The following MORC2 variants were observed in gnomAD, a reference collection of about 807,000 sequenced individuals.
MORC2 encodes the protein ATPase MORC2.
A neutral mutation model predicts 136.0 loss-of-function variants in MORC2; 30 were observed. The observed-to-expected ratio is 0.22, with a 90% CI of 0.17 to 0.30. MORC2 has a LOEUF of 0.30. Among genes scored for constraint, MORC2 ranks in the 10% least tolerant of loss-of-function variants. The pLI is 1.00. For synonymous variants in MORC2, 439 were observed against 487.0 expected (o/e 0.90, Z 1.30); for missense variants, 922 against 1,333.1 (o/e 0.69, Z 4.80).
At position 30,968,161 on chromosome 22, in the gene MORC2, C is replaced by T; in HGVS notation, c.-272G>A. On this transcript the variant is annotated 5_prime_UTR_variant, in exon 1 of 26. It removes an upstream start codon present in the reference 5' UTR. Coordinates refer to ENST00000397641, the MANE Select transcript of MORC2 (RefSeq NM_001303256.3). ...ATCTGTAGCTTTAAGGAGCTTTTAG[C>T]ATTAAGTTGCGATAGCTCAATTCAG... The T allele has an allele frequency of 5.1e-6, 2 of 389,874 alleles. No individual in the cohort carries two copies. Among genetic ancestry groups the T allele is most frequent in the South Asian group, 5.7e-5 (2 of 35,062 alleles). 24.2% of individuals were successfully genotyped at this position (389,874 alleles called of 1,614,324 possible). A position where few individuals can be genotyped will look rare whatever the true frequency, so the allele number is the denominator to read the frequency against.
chr22:30,962,618 G>T (rs1450779970), intron 1 of MORC2, among the ~76,000 whole-genome samples: 1 of 151,338 alleles, frequency 6.6e-6, no homozygotes, highest in African/African-American at 2.4e-5. Context: ...AAAACTAATG[G>T]TCTTTGTTGT....
In MORC2 at chr22:30,939,673, T is replaced by C. The variant is rs747708903; in HGVS notation, c.1021A>G (p.Thr341Ala). The change falls in exon 12 of 26, where the codon ACT becomes GCT. Residue 341 changes from threonine (T) to alanine (A), a missense_variant. By Grantham distance (58) the Thr-to-Ala change is moderately conservative. Around this residue, in one of 9 missense-constraint regions of MORC2, gnomAD observed 261 missense variants for 354.3 expected, o/e 0.74. Transcript: ENST00000397641. ...MLRQVQNRAI[T>A]LRREADVKKR... ...TTGACATCGGCTTCTCTGCGCAGAG[T>C]GATGGCTCTGTTCTGGACCTGTCGC... 3 of 1,613,998 alleles carry C rather than the reference T, an allele frequency of 1.9e-6. No homozygotes were observed. The South Asian group carries it at 3.3e-5, about 18-fold the overall frequency.
chr22:30,942,228 G>C lies in MORC2; in HGVS notation c.470C>G (p.Pro157Arg), dbSNP rs370868047. Residue 157 changes from proline to arginine, a missense_variant, in exon 7 of 26, where the codon CCT (proline) becomes CGT (arginine). By Grantham distance (103) the Pro-to-Arg change is moderately radical (BLOSUM62 -2). Coordinates refer to ENST00000397641, the MANE Select transcript of MORC2 (RefSeq NM_001303256.3). Reference sequence around the variant, plus strand: ...AAATTTCTCTACATTGTCTGTGACAGGTTCCCGGGTCCGAGCATTCCAGGT... The same window carrying C: ...AAATTTCTCTACATTGTCTGTGACACGTTCCCGGGTCCGAGCATTCCAGGT... ...LPTWNARTREPVTDNVEKFAI... is the reference protein window; with the variant it reads ...LPTWNARTRERVTDNVEKFAI... 28 of 1,613,746 alleles carry C rather than the reference G, an allele frequency of 1.7e-5. No homozygotes were observed. Among genetic ancestry groups the C allele is most frequent in the Non-Finnish European group, 1.9e-5 (23 of 1,180,038 alleles).
At chr22:30,946,094 G>A (rs2147275890) in intron 6 of MORC2, among the ~76,000 whole-genome samples, 1 of 152,298 alleles carries the variant, frequency 6.6e-6, no homozygotes, top group East Asian at 1.9e-4. Flanking sequence ...CCTGCCACTT[G>A]ACAGTCTCAT....
chr22:30,939,533 C>A, intron 12 of MORC2, 88 bp downstream of exon 12: 1 of 1,281,854 alleles, frequency 7.8e-7, no homozygotes, highest in Non-Finnish European at 1.1e-6. Flanking sequence ...TAAAACAAAG[C>A]AGTCTTGGTG....
At position 30,956,098 on chromosome 22, in the gene MORC2, A is replaced by C. The variant is rs115261382; in HGVS notation, c.157+665T>G. 9.6e-3 allele frequency among the ~76,000 whole-genome samples: 1,465 copies of C among 152,258 alleles called. 22 individuals carry two copies. Among genetic ancestry groups the C allele is most frequent in the African/African-American group, 0.034 (1,411 of 41,542 alleles). On this transcript the variant is annotated intron_variant, in intron 3 of 25. Transcript: ENST00000397641. ...TAAAAAAGGTGCTAGTACAAATACC[A>C]GGCAGAAAGCAAACTATTAAAATTA...
chr22:30,936,580 C>A lies in MORC2; in HGVS notation c.1668G>T (p.Thr556=), dbSNP rs759248549. 2.5e-6 allele frequency: 4 copies of A among 1,614,200 alleles called. No homozygotes were observed. Among genetic ancestry groups the A allele is most frequent in the Non-Finnish European group, 3.4e-6 (4 of 1,180,036 alleles). ...TCAGTTGTTTCTGCTTCTCTTCCTGCGTCTTCATGTCCTTTCTGAATGTTC... is the reference window on the plus strand; with the variant it reads ...TCAGTTGTTTCTGCTTCTCTTCCTGAGTCTTCATGTCCTTTCTGAATGTTC... ...PLGTFRKDMK[T]QEEKQKQLTE... The change falls in exon 17 of 26, where the codon ACG becomes ACT. Residue 556 remains threonine, a synonymous_variant. Coordinates refer to ENST00000397641, the MANE Select transcript of MORC2 (RefSeq NM_001303256.3).
At position 30,967,807 on chromosome 22, in the gene MORC2, C is replaced by G; in HGVS notation, c.68+15G>C. ...GAGTTACTGGTTACCTCAGTGGCACCTAGAGGATACTTACGAATTTGTGTG... is the reference window on the plus strand; with the variant it reads ...GAGTTACTGGTTACCTCAGTGGCACGTAGAGGATACTTACGAATTTGTGTG... On this transcript the variant is annotated intron_variant, in intron 1 of 25. Transcript: ENST00000397641. 1.3e-6 allele frequency: 2 copies of G among 1,550,780 alleles called. No homozygotes were observed. Among genetic ancestry groups the G allele is most frequent in the Non-Finnish European group, 1.7e-6 (2 of 1,146,822 alleles).
chr22:30,956,931 T>C (rs1299692467), intron 2 of MORC2, 134 bp from the exon 3 acceptor site: 3 of 661,970 alleles, frequency 4.5e-6, no homozygotes, highest in Non-Finnish European at 7.2e-6. Flanking sequence ...TATAGACATT[T>C]AGAATTTTTT....
rs2040627406 is a variant in MORC2, at chr22:30,934,798, G to C, written c.2176C>G (p.Pro726Ala). The change falls in exon 19 of 26, where the codon CCC (proline) becomes GCC (alanine). Residue 726 changes from proline (P) to alanine (A), a missense_variant. This residue lies in a region of MORC2 where 184 missense variants were observed against 180.3 expected (regional missense o/e 1.02). Transcript: ENST00000397641. This position sits in a 1 kb window ranked among gnomAD's most constrained non-coding sequence, Gnocchi z 4.4. ...KTPVVKKTES[P>A]IKLSPATPSR... Reference sequence around the variant, plus strand: ...CGTCTCACCGGGGAGAGTTTGATGGGTGACTCTGTCTTCTTCACCACTGGA... The same window carrying C: ...CGTCTCACCGGGGAGAGTTTGATGGCTGACTCTGTCTTCTTCACCACTGGA... The C allele has an allele frequency of 1.2e-6, 2 of 1,614,160 alleles. No individual in the cohort carries two copies. Among genetic ancestry groups the C allele is most frequent in the African/African-American group, 1.3e-5 (1 of 75,038 alleles).
chr22:30,962,696 A>G (rs1314979861), intron 1 of MORC2, among the ~76,000 whole-genome samples: 2 of 152,118 alleles, frequency 1.3e-5, no homozygotes, highest in Non-Finnish European at 2.9e-5. Flanking sequence ...TAGCCTTTAC[A>G]ATGTAGCCAA....
intron 1 of MORC2, chr22:30,963,296 G>A: frequency 1.0e-6 from 1 of 983,874 alleles, no homozygotes; most frequent in Non-Finnish European, 1.2e-6. Context: ...TTTCTTCACA[G>A]ACCTAAACAT....
intron 24 of MORC2, among the ~76,000 whole-genome samples, chr22:30,930,917 A>C (rs2040566902): frequency 6.6e-6 from 1 of 151,798 alleles, no homozygotes; most frequent in East Asian, 1.9e-4. Context: ...TGCCACATAA[A>C]CCTCCACTCG....
intron 1 of MORC2, chr22:30,967,226 GTA>G: frequency 1.0e-6 from 1 of 986,290 alleles, no homozygotes; most frequent in East Asian, 1.1e-4. Context: ...CATGAACACT[GTA>G]TGTTTCTGTG....
At chr22:30,940,725 C>T (rs778302065) in intron 10 of MORC2, 33 bp downstream of exon 10, 2 of 1,583,644 alleles carry the variant, frequency 1.3e-6, no homozygotes, top group Non-Finnish European at 1.7e-6. Flanking sequence ...CAGATGCACA[C>T]CCCCCCAACT....
At chr22:30,945,606 G>T (rs1180158196) in intron 6 of MORC2, among the ~76,000 whole-genome samples, 1 of 152,184 alleles carries the variant, frequency 6.6e-6, no homozygotes, top group Admixed American at 6.5e-5. Context: ...CACAATGAGG[G>T]GGCATAGACC....
intron 1 of MORC2, chr22:30,967,091 T>C (rs1170031271): frequency 2.0e-6 from 2 of 984,610 alleles, no homozygotes; most frequent in African/African-American, 1.7e-5. Context: ...AACAGGTGAA[T>C]GTATTAAAAC....
chr22:30,954,952 ATTTT>A (rs34059352), intron 3 of MORC2, among the ~76,000 whole-genome samples: 1 of 105,320 alleles, frequency 9.5e-6, no homozygotes, highest in Non-Finnish European at 1.9e-5. Flanking sequence ...TGGCCTGAGC[ATTTT>A]TTTTTTTTTT....
intron 1 of MORC2, among the ~76,000 whole-genome samples, chr22:30,964,305 C>T (rs886112920): frequency 2.0e-5 from 3 of 151,896 alleles, no homozygotes; most frequent in Non-Finnish European, 4.4e-5. Context: ...TGCAGTGAGG[C>T]GAGATGGTGC....
Sources: gnomAD v4.1 joint callset for allele counts (sites outside exome capture counted in the v4.1 genomes callset) on GRCh38, gnomAD v4.1.1 for gene constraint, gnomAD v4.1.1 regional missense constraint, Gnocchi (gnomAD v3.1) non-coding constraint, MANE v1.5 for transcripts, NCBI Gene and HGNC (gene_info 2026-07-23, HGNC 2026-07-21) for gene names.